Variants in NFX1 observed in about 807,000 individuals in gnomAD.
NFX1 encodes the protein transcriptional repressor NF-X1.
A neutral mutation model predicts 137.2 loss-of-function variants in NFX1; 69 were observed. The ratio of observed to expected loss-of-function variants is 0.50; its 90% CI spans 0.41 to 0.61. NFX1 has a LOEUF of 0.61. Among genes scored for constraint, NFX1 ranks in the 20% least tolerant of loss-of-function variants. The probability of loss-of-function intolerance (pLI) is 0.00; values close to 1 mark genes in which losing one functional copy is unlikely to be tolerated. For synonymous variants in NFX1, 495 were observed against 474.1 expected (o/e 1.04, Z -0.57); for missense variants, 1,167 against 1,391.0 (o/e 0.84, Z 2.56).
intron 19 of NFX1, among the ~76,000 whole-genome samples, chr9:33,362,206 A>G (rs1824018360): frequency 6.6e-6 from 1 of 152,148 alleles, no homozygotes; most frequent in Admixed American, 6.5e-5. Context: ...ACTATGGAAA[A>G]CAGTATGGAA....
chr9:33,342,081 A>G (rs556506479), intron 12 of NFX1, among the ~76,000 whole-genome samples: 2 of 151,404 alleles, frequency 1.3e-5, no homozygotes, highest in African/African-American at 4.9e-5. Context: ...GCACCACCAC[A>G]CTCCAGCCTG....
chr9:33,347,110 A>G lies in NFX1; in HGVS notation c.2417A>G (p.Lys806Arg). 6.2e-7 allele frequency: 1 copy of G among 1,612,238 alleles called. No homozygotes were observed. The highest frequency in any genetic ancestry group is 8.5e-7 in the Non-Finnish European group (1 of 1,178,418). ...CTAACTCAGAAGTGGTGCATGGGCA[A>G]GCATGAGGTAAGTTTTCTCTCTCAA... ...TFLTQKWCMG[K>R]HEFRSNIPCH... The change falls in exon 15 of 24, where the codon AAG becomes AGG. Residue 806 changes from lysine (K) to arginine (R), a missense_variant. Lys to Arg is a conservative substitution (Grantham distance 26). Around this residue, in one of 3 missense-constraint regions of NFX1, gnomAD observed 488 missense variants for 691.5 expected, o/e 0.71. Coordinates refer to ENST00000379540, the MANE Select transcript of NFX1 (RefSeq NM_002504.6).
At chr9:33,336,215 T>C (rs1213552702) in intron 11 of NFX1, among the ~76,000 whole-genome samples, 5 of 152,114 alleles carry the variant, frequency 3.3e-5, no homozygotes, top group African/African-American at 1.2e-4. Context: ...TTCTGGGTTT[T>C]TTTGGTTTTT....
chr9:33,304,112 G>A (rs1440033067), intron 4 of NFX1, among the ~76,000 whole-genome samples: 1 of 152,004 alleles, frequency 6.6e-6, no homozygotes, highest in African/African-American at 2.4e-5. Flanking sequence ...ACTAAAATAA[G>A]TTAGCTGGGC....
chr9:33,333,071 C>T (rs1218861052), intron 11 of NFX1, among the ~76,000 whole-genome samples: 1 of 152,206 alleles, frequency 6.6e-6, no homozygotes, highest in East Asian at 1.9e-4. Flanking sequence ...GTCTCTAACT[C>T]CTGACCTCAA....
At chr9:33,309,064 G>A (rs1184567249) in intron 5 of NFX1, among the ~76,000 whole-genome samples, 1 of 152,108 alleles carries the variant, frequency 6.6e-6, no homozygotes, top group African/African-American at 2.4e-5. Context: ...TCAGTAATAA[G>A]AAGTTAATCC....
At chr9:33,320,996 A>G (rs1822363255) in intron 9 of NFX1, among the ~76,000 whole-genome samples, 2 of 152,214 alleles carry the variant, frequency 1.3e-5, no homozygotes, top group South Asian at 4.1e-4. Context: ...TAGGAAAGCC[A>G]GTCATCTGTT....
chr9:33,314,862 A>G (rs1822097582), intron 7 of NFX1, among the ~76,000 whole-genome samples: 1 of 152,232 alleles, frequency 6.6e-6, no homozygotes, highest in Non-Finnish European at 1.5e-5. Flanking sequence ...TACAATTACC[A>G]AAAGATATCC....
intron 12 of NFX1, 121 bp downstream of exon 12, chr9:33,338,710 G>A: frequency 2.5e-6 from 2 of 811,270 alleles, no homozygotes. Context: ...CCCCTAAGCA[G>A]CAGTCAGAGA....
intron 19 of NFX1, among the ~76,000 whole-genome samples, chr9:33,360,651 G>A (rs1823959466): frequency 6.6e-6 from 1 of 152,056 alleles, no homozygotes; most frequent in Non-Finnish European, 1.5e-5. Context: ...ACACCTGTGT[G>A]TATATATATG....
chr9:33,294,874 T>G lies in NFX1; in HGVS notation c.480T>G (p.Gly160=), dbSNP rs1821294325. 1 of 1,613,844 alleles carries G rather than the reference T, an allele frequency of 6.2e-7. No homozygotes were observed. The highest frequency in any genetic ancestry group is 8.5e-7 in the Non-Finnish European group (1 of 1,180,010). ...SPSESEKEVV[G]ADPRGAKPKK... ...CTGAGAGTGAGAAGGAAGTTGTGGG[T>G]GCAGATCCCAGGGGAGCAAAACCCA... The change falls in exon 2 of 24, where the codon GGT becomes GGG. Residue 160 remains glycine (G), a synonymous_variant. Transcript: ENST00000379540.
intron 5 of NFX1, among the ~76,000 whole-genome samples, chr9:33,308,073 A>G (rs1199744092): frequency 2.0e-5 from 3 of 152,036 alleles, no homozygotes; most frequent in Non-Finnish European, 4.4e-5. Context: ...CCAACATGCC[A>G]GGATTACTGG....
At chr9:33,318,020 C>G (rs1381754724) in intron 7 of NFX1, among the ~76,000 whole-genome samples, 1 of 145,366 alleles carries the variant, frequency 6.9e-6, no homozygotes, top group African/African-American at 2.6e-5. Flanking sequence ...ATAGTGAAAC[C>G]TTTTGGTTCT....
chr9:33,329,770 T>C (rs962182066), intron 10 of NFX1, among the ~76,000 whole-genome samples: 3 of 152,136 alleles, frequency 2.0e-5, no homozygotes, highest in African/African-American at 7.2e-5. Context: ...GTGATTCTTA[T>C]GCCTTAGCCT....
chr9:33,301,002 G>C (rs991745096), intron 2 of NFX1, among the ~76,000 whole-genome samples: 1 of 152,226 alleles, frequency 6.6e-6, no homozygotes, highest in South Asian at 2.1e-4. Flanking sequence ...TGGCTACTCT[G>C]CTGTTTTCCT....
chr9:33,297,120 C>G (rs1157455276), intron 2 of NFX1, among the ~76,000 whole-genome samples: 1 of 152,174 alleles, frequency 6.6e-6, no homozygotes, highest in Non-Finnish European at 1.5e-5. Flanking sequence ...CACAGCTCCC[C>G]CTCTCCTTAC....
chr9:33,361,458 A>T (rs1823986572), intron 19 of NFX1, among the ~76,000 whole-genome samples: 1 of 152,134 alleles, frequency 6.6e-6, no homozygotes, highest in Non-Finnish European at 1.5e-5. Context: ...AATTTTGAAT[A>T]TAATAATGGC....
intron 11 of NFX1, among the ~76,000 whole-genome samples, chr9:33,334,559 C>T (rs1381400504): frequency 1.3e-5 from 2 of 152,052 alleles, no homozygotes; most frequent in African/African-American, 4.8e-5. Context: ...AAAATTTGCC[C>T]TCTAATAGTA....
chr9:33,332,057 A>G (rs1004051155), intron 10 of NFX1, among the ~76,000 whole-genome samples: 1 of 151,956 alleles, frequency 6.6e-6, no homozygotes, highest in African/African-American at 2.4e-5. Context: ...TTGTCCCTGC[A>G]TTAAATGGTA....
Sources: allele counts gnomAD v4.1 joint callset (sites outside exome capture counted in the v4.1 genomes callset), GRCh38; gene constraint gnomAD v4.1.1; regional missense constraint gnomAD v4.1.1; transcripts MANE v1.5; gene names NCBI Gene and HGNC (gene_info 2026-07-23, HGNC 2026-07-21).